OTUD4: variants seen among roughly 807,000 people sequenced by gnomAD.
OTUD4 encodes the protein OTU deubiquitinase 4.
A neutral mutation model predicts 130.4 loss-of-function variants in OTUD4; 24 were observed. That is an observed-to-expected ratio of 0.18 (90% CI 0.13 to 0.26). OTUD4 has a LOEUF of 0.26. OTUD4 is among the 10% of genes least tolerant of loss of function. The pLI is 1.00. For synonymous variants in OTUD4, 420 were observed against 472.5 expected (o/e 0.89, Z 1.44); for missense variants, 1,031 against 1,329.4 (o/e 0.78, Z 3.49).
intron 17 of OTUD4, among the ~76,000 whole-genome samples, chr4:145,142,666 C>T (rs1195980249): frequency 5.3e-5 from 8 of 152,182 alleles, no homozygotes; most frequent in African/African-American, 1.7e-4. Flanking sequence ...GAATTACAGG[C>T]GTGAGCCACC....
chr4:145,161,089 G>A (rs1020286593), intron 6 of OTUD4, among the ~76,000 whole-genome samples: 4 of 151,522 alleles, frequency 2.6e-5, no homozygotes, highest in East Asian at 3.9e-4. Context: ...CAGCCTAGGC[G>A]AGAGAGCAAC....
chr4:145,148,115 AG>A (rs1750904892), intron 13 of OTUD4, among the ~76,000 whole-genome samples: 1 of 152,222 alleles, frequency 6.6e-6, no homozygotes, highest in Admixed American at 6.5e-5. Flanking sequence ...CACACCATCA[AG>A]TATTTTTACA....
rs754889351 is a variant in OTUD4, at chr4:145,141,659, G to C, written c.1823-20C>G. On this transcript the variant is annotated intron_variant, in intron 18 of 20. Coordinates refer to ENST00000447906, the MANE Select transcript of OTUD4 (RefSeq NM_001366057.1). ...GGACACCTACAAAAGAGAAGAAAAG[G>C]AATCAAAATGACAAAAGATGAAAAT... 2.0e-6 allele frequency: 3 copies of C among 1,499,860 alleles called. No individual in the cohort carries two copies. In the South Asian group the frequency reaches 4.2e-5, roughly 21 times the overall value. The allele number at this position is 1,499,860 out of a possible 1,614,324, so 92.9% of individuals were successfully genotyped here. A position where few individuals can be genotyped will look rare whatever the true frequency, so the allele number is the denominator to read the frequency against.
At chr4:145,178,391 A>G (rs1425155671) in intron 1 of OTUD4, 1 of 152,218 alleles carries the variant, frequency 6.6e-6, no homozygotes, top group African/African-American at 2.4e-5. Flanking sequence ...GTCTAACAGT[A>G]CGTTATAAAT....
At chr4:145,175,901 T>C (rs1327432417) in intron 1 of OTUD4, among the ~76,000 whole-genome samples, 7 of 146,516 alleles carry the variant, frequency 4.8e-5, no homozygotes, top group Non-Finnish European at 6.0e-5. Flanking sequence ...AATTCTTTTT[T>C]CCCCCACCAG....
intron 11 of OTUD4, among the ~76,000 whole-genome samples, chr4:145,152,146 C>T (rs188268798): frequency 9.9e-5 from 15 of 152,190 alleles, no homozygotes; most frequent in Admixed American, 9.2e-4. Context: ...TTTTTTAAGA[C>T]GAAGTCTAGC....
intron 1 of OTUD4, among the ~76,000 whole-genome samples, chr4:145,175,702 G>A (rs745465202): frequency 4.6e-5 from 7 of 151,724 alleles, no homozygotes; most frequent in African/African-American, 2.4e-5. Context: ...CTACCACGGC[G>A]CTTGGCTAAT....
intron 13 of OTUD4, 65 bp from the exon 14 acceptor site, chr4:145,146,494 TTCTTGTCAAAA>T: frequency 2.1e-6 from 2 of 955,254 alleles, no homozygotes; most frequent in South Asian, 2.8e-5. Flanking sequence ...AAATAAAACA[TTCTTGTCAAAA>T]AAAAAAAACA....
chr4:145,136,465 G>GGGC lies in OTUD4; in HGVS notation c.*964_*965insGCC, dbSNP rs1489620824. 5.6e-5 allele frequency: 3 copies of GGGC among 53,764 alleles called. 1 individual carries two copies. Among genetic ancestry groups the GGGC allele is most frequent in the Non-Finnish European group, 7.7e-5 (2 of 26,028 alleles). The allele number at this position is 53,764 out of a possible 1,614,324, so 3.3% of individuals were successfully genotyped here. A position where few individuals can be genotyped will look rare whatever the true frequency, so the allele number is the denominator to read the frequency against. On this transcript the variant is annotated 3_prime_UTR_variant, in exon 21 of 21. Transcript: ENST00000447906. Reference sequence around the variant, plus strand: ...AAAGTGATACACAACCAATGGTGCGGGGGGGGGGGGGAGGAAGAAAACAAC... The same window carrying GGGC: ...AAAGTGATACACAACCAATGGTGCGGGGCGGGGGGGGGGGAGGAAGAAAACAAC...
intron 20 of OTUD4, among the ~76,000 whole-genome samples, 187 bp downstream of exon 20, chr4:145,139,764 G>A (rs760557334): frequency 6.6e-6 from 1 of 152,096 alleles, no homozygotes. Flanking sequence ...AGACAAAAAA[G>A]TAAGTAAAAC....
chr4:145,158,522 ACAAAT>A (rs986114620), intron 7 of OTUD4, among the ~76,000 whole-genome samples: 1 of 152,010 alleles, frequency 6.6e-6, no homozygotes, highest in Non-Finnish European at 1.5e-5. Context: ...CAAAAAAAAA[ACAAAT>A]CAAGAGATAT....
rs775875821 is a variant in OTUD4, at chr4:145,146,421, T to C, written c.1268A>G (p.Asp423Gly). Residue 423 changes from aspartate (D) to glycine (G), a missense_variant, in exon 14 of 21, where the codon GAT (aspartate) becomes GGT (glycine). Around this residue, in one of 3 missense-constraint regions of OTUD4, gnomAD observed 900 missense variants for 1,095.9 expected, o/e 0.82. Transcript: ENST00000447906. Reference sequence around the variant, plus strand: ...ATCAAAATCCTCAACTCTTTCACGATCAGGTTTTCTGTCAAATAAAACATT... The same window carrying C: ...ATCAAAATCCTCAACTCTTTCACGACCAGGTTTTCTGTCAAATAAAACATT... Reference protein sequence around the residue: ...RTPSQIIRKPDRERVEDFDHT... With the variant: ...RTPSQIIRKPGRERVEDFDHT... 6.5e-7 allele frequency: 1 copy of C among 1,544,524 alleles called. No individual in the cohort carries two copies. The highest frequency in any genetic ancestry group is 2.0e-5 in the Admixed American group (1 of 49,542).
chr4:145,134,688 A>T lies in OTUD4; in HGVS notation c.*2742T>A. On this transcript the variant is annotated 3_prime_UTR_variant, in exon 21 of 21. Coordinates refer to ENST00000447906, the MANE Select transcript of OTUD4 (RefSeq NM_001366057.1). Reference sequence around the variant, plus strand: ...AATTTGTGGGTTATCAGTAAACAGTATGAGGACTACACAGATGCCAGCATC... The same window carrying T: ...AATTTGTGGGTTATCAGTAAACAGTTTGAGGACTACACAGATGCCAGCATC... 1 of 398,916 alleles carries T rather than the reference A, an allele frequency of 2.5e-6. No individual in the cohort carries two copies. 24.7% of individuals were successfully genotyped at this position (398,916 alleles called of 1,614,324 possible).
chr4:145,144,506 T>C (rs1021927733), intron 14 of OTUD4, 72 bp from the exon 15 acceptor site: 6 of 1,402,974 alleles, frequency 4.3e-6, no homozygotes, highest in Non-Finnish European at 5.9e-6. Context: ...ATTCTGTAAT[T>C]AATCTCACTC....
At chr4:145,147,560 CAG>C (rs1750884430) in intron 13 of OTUD4, among the ~76,000 whole-genome samples, 1 of 152,180 alleles carries the variant, frequency 6.6e-6, no homozygotes, top group African/African-American at 2.4e-5. Context: ...ACCTACCACA[CAG>C]AGAGAAGCTA....
chr4:145,140,893 C>T (rs1164690368), intron 19 of OTUD4, among the ~76,000 whole-genome samples: 1 of 151,944 alleles, frequency 6.6e-6, no homozygotes, highest in Non-Finnish European at 1.5e-5. Context: ...GGGCCAGGCG[C>T]GGTGGCTCAC....
chr4:145,165,303 G>T, intron 3 of OTUD4, 106 bp from the exon 4 acceptor site: 1 of 644,654 alleles, frequency 1.6e-6, no homozygotes, highest in Non-Finnish European at 2.7e-6. Context: ...AGTTCTTAAA[G>T]CTCATTATTA....
intron 3 of OTUD4, among the ~76,000 whole-genome samples, chr4:145,168,411 A>AT (rs1554000999): frequency 7.3e-4 from 24 of 32,670 alleles, no homozygotes; most frequent in Admixed American, 2.5e-3. Flanking sequence ...AAAATAAAAA[A>AT]TTAAAAAAAA....
At chr4:145,172,937 G>A (rs897039364) in intron 2 of OTUD4, among the ~76,000 whole-genome samples, 9 of 152,052 alleles carry the variant, frequency 5.9e-5, no homozygotes, top group African/African-American at 2.2e-4. Flanking sequence ...AGCAGAAAGC[G>A]TCCACCTATG....
Sources: gnomAD v4.1 joint callset for allele counts (sites outside exome capture counted in the v4.1 genomes callset) on GRCh38, gnomAD v4.1.1 for gene constraint, gnomAD v4.1.1 regional missense constraint, MANE v1.5 for transcripts, NCBI Gene and HGNC (gene_info 2026-07-23, HGNC 2026-07-21) for gene names.